The following TFCP2L1 variants were observed in gnomAD, a reference collection of about 807,000 sequenced individuals.
TFCP2L1 encodes the protein transcription factor CP2 like 1.
Under a neutral mutation model 72.2 loss-of-function variants are expected in TFCP2L1, and 12 were observed. The observed-to-expected ratio is 0.17, with a 90% CI of 0.11 to 0.27. The LOEUF is 0.27. TFCP2L1 is among the 10% of genes least tolerant of loss of function. The pLI is 1.00. For synonymous variants in TFCP2L1, 260 were observed against 251.0 expected (o/e 1.04, Z -0.34); for missense variants, 488 against 624.6 (o/e 0.78, Z 2.33).
chr2:121,241,300 C>T (rs1686362031), intron 7 of TFCP2L1, among the ~76,000 whole-genome samples: 1 of 152,138 alleles, frequency 6.6e-6, no homozygotes, highest in Admixed American at 6.5e-5. Context: ...TCAAGACCAG[C>T]CTGGCCAACA....
intron 10 of TFCP2L1, among the ~76,000 whole-genome samples, chr2:121,237,015 C>T (rs1291234190): frequency 6.6e-6 from 1 of 152,222 alleles, no homozygotes; most frequent in Admixed American, 6.5e-5. Flanking sequence ...CTTCCACTGC[C>T]ACAGGTGTCT....
intron 2 of TFCP2L1, among the ~76,000 whole-genome samples, chr2:121,253,700 C>A (rs530846456): frequency 1.3e-5 from 2 of 152,286 alleles, no homozygotes; most frequent in Non-Finnish European, 2.9e-5. Flanking sequence ...AAGGGGCAGC[C>A]CTTGAACAAA....
intron 2 of TFCP2L1, among the ~76,000 whole-genome samples, chr2:121,252,792 C>A (rs1430932741): frequency 6.6e-6 from 1 of 152,194 alleles, no homozygotes; most frequent in Non-Finnish European, 1.5e-5. Flanking sequence ...CTATAATTAA[C>A]ACGTTTGTAG....
At chr2:121,230,744 T>C (rs1038125759) in intron 13 of TFCP2L1, among the ~76,000 whole-genome samples, 2 of 151,894 alleles carry the variant, frequency 1.3e-5, no homozygotes, top group African/African-American at 4.8e-5. Flanking sequence ...GCCTGAGTGA[T>C]AGAGCAAGAT....
At chr2:121,235,574 C>CT (rs34634906) in intron 10 of TFCP2L1, among the ~76,000 whole-genome samples, 2,037 of 119,760 alleles carry the variant, frequency 0.017, 49 homozygotes, top group African/African-American at 0.056. Context: ...TTCTTTCTTT[C>CT]TTTTTTTTTT....
At position 121,234,268 on chromosome 2, in the gene TFCP2L1, A is replaced by C. The variant is rs187290577; in HGVS notation, c.1095-74T>G. 10 of 1,371,326 alleles carry C rather than the reference A, an allele frequency of 7.3e-6. No homozygotes were observed. The Admixed American group carries it at 1.6e-4, about 21-fold the overall frequency. 84.9% of individuals were successfully genotyped at this position (1,371,326 alleles called of 1,614,324 possible). ...GTTGTTTCAGAATATTCCAGGATGG[A>C]AACAATAGTGGGCAGAACTCAGGGA... is the stretch of plus-strand genomic sequence containing the variant. On this transcript the variant is annotated intron_variant, in intron 11 of 14. Coordinates refer to ENST00000263707, the MANE Select transcript of TFCP2L1 (RefSeq NM_014553.3).
chr2:121,237,498 C>G, intron 10 of TFCP2L1, 125 bp downstream of exon 10: 1 of 1,124,554 alleles, frequency 8.9e-7, no homozygotes, highest in Admixed American at 1.9e-5. Context: ...CGAACCCACA[C>G]TATCTCGGGT....
chr2:121,239,440 G>A lies in TFCP2L1; in HGVS notation c.860+118C>T, dbSNP rs115818169. The A allele has an allele frequency of 4.2e-3, 4,592 of 1,092,552 alleles. 135 individuals carry two copies. In the African/African-American group the frequency reaches 0.064, roughly 15 times the overall value. The allele number at this position is 1,092,552 out of a possible 1,614,324, so 67.7% of individuals were successfully genotyped here. A position where few individuals can be genotyped will look rare whatever the true frequency, so the allele number is the denominator to read the frequency against. On this transcript the variant is annotated intron_variant, in intron 8 of 14. Coordinates refer to ENST00000263707, the MANE Select transcript of TFCP2L1 (RefSeq NM_014553.3). ...CTGAAGACAGTTGTGACTGCAACACGAGTTAGCTACCCTGAAACCCAAACA... is the reference window on the plus strand; with the variant it reads ...CTGAAGACAGTTGTGACTGCAACACAAGTTAGCTACCCTGAAACCCAAACA...
chr2:121,234,235 C>A, intron 11 of TFCP2L1, 41 bp from the exon 12 acceptor site: 2 of 1,566,144 alleles, frequency 1.3e-6, no homozygotes. Context: ...TGTGGTGGAC[C>A]AGGCGCAGTT....
At chr2:121,270,480 C>T (rs1687024374) in intron 2 of TFCP2L1, among the ~76,000 whole-genome samples, 1 of 152,170 alleles carries the variant, frequency 6.6e-6, no homozygotes, top group African/African-American at 2.4e-5. Context: ...TATCCTACAG[C>T]TATTTTCACT....
At chr2:121,273,539 T>G (rs531720458) in intron 2 of TFCP2L1, among the ~76,000 whole-genome samples, 14 of 152,334 alleles carry the variant, frequency 9.2e-5, no homozygotes, top group Admixed American at 3.9e-4. Flanking sequence ...CCACTCGGCT[T>G]GGTGATAGGA....
intron 13 of TFCP2L1, 23 bp from the exon 14 acceptor site, chr2:121,225,636 T>G (rs372832024): frequency 6.2e-7 from 1 of 1,613,708 alleles, no homozygotes; most frequent in African/African-American, 1.3e-5. Flanking sequence ...AGAGAGAACA[T>G]GTTCCTTCAA....
intron 10 of TFCP2L1, among the ~76,000 whole-genome samples, chr2:121,235,596 T>G (rs1318966866): frequency 2.8e-5 from 4 of 144,108 alleles, no homozygotes; most frequent in African/African-American, 7.9e-5. Context: ...TTTTTTTTTT[T>G]TAAGAGACAA....
At chr2:121,239,728 G>A in intron 7 of TFCP2L1, 79 bp from the exon 8 acceptor site, 1 of 1,363,160 alleles carries the variant, frequency 7.3e-7, no homozygotes, top group Non-Finnish European at 1.0e-6. Context: ...AAGCAGGCAT[G>A]CACTGACACC....
chr2:121,235,165 C>T, intron 11 of TFCP2L1, 56 bp downstream of exon 11: 1 of 1,594,412 alleles, frequency 6.3e-7, no homozygotes, highest in Non-Finnish European at 8.6e-7. Context: ...GGGTTTCCCA[C>T]CACATGCCAC....
chr2:121,278,077 C>G (rs1271157729), intron 2 of TFCP2L1, among the ~76,000 whole-genome samples: 1 of 141,204 alleles, frequency 7.1e-6, no homozygotes, highest in Non-Finnish European at 1.5e-5. Context: ...TCGCCCAGGT[C>G]GGACTGCGGA....
At position 121,248,220 on chromosome 2, in the gene TFCP2L1, G is replaced by C; in HGVS notation, c.448C>G (p.Leu150Val). ...TCCCACAAAAACTCGACTGCATTCA[G>C]CTGGGTCGGGCTGGCCCTGGGGTCC... ...ILDPRASPTQ[L>V]NAVEFLWDPA... The change falls in exon 5 of 15, where the codon CTG becomes GTG. Residue 150 changes from leucine to valine, a missense_variant. By Grantham distance (32) the Leu-to-Val change is conservative. Transcript: ENST00000263707. 2 of 1,614,096 alleles carry C rather than the reference G, an allele frequency of 1.2e-6. No individual in the cohort carries two copies. The highest frequency in any genetic ancestry group is 1.7e-6 in the Non-Finnish European group (2 of 1,180,010).
intron 2 of TFCP2L1, among the ~76,000 whole-genome samples, chr2:121,269,729 C>A (rs111320969): frequency 6.6e-6 from 1 of 151,736 alleles, no homozygotes. Context: ...GCCAACAGGG[C>A]AAAACCCTGA....
chr2:121,253,123 C>A (rs1686643723), intron 2 of TFCP2L1, among the ~76,000 whole-genome samples: 1 of 152,226 alleles, frequency 6.6e-6, no homozygotes, highest in Admixed American at 6.5e-5. Flanking sequence ...CCACAGCTCC[C>A]CACCGGCCAT....
Sources: gnomAD v4.1 joint callset for allele counts (sites outside exome capture counted in the v4.1 genomes callset) on GRCh38, gnomAD v4.1.1 for gene constraint, MANE v1.5 for transcripts, NCBI Gene and HGNC (gene_info 2026-07-23, HGNC 2026-07-21) for gene names.